Variants in HIBCH observed in about 807,000 individuals in gnomAD.
HIBCH encodes 3-hydroxyisobutyryl-CoA hydrolase.
In HIBCH, 50 loss-of-function variants were observed where a neutral mutation model predicts 58.2. That is an observed-to-expected ratio of 0.86 (90% CI 0.68 to 1.09). HIBCH has a LOEUF of 1.09. Ranked by LOEUF, HIBCH falls within the 50% of genes least tolerant of loss-of-function variation. The pLI, the probability that HIBCH is intolerant of heterozygous loss-of-function variation, is 0.00. For missense variants in HIBCH, 450 were observed against 449.7 expected (o/e 1.00, Z -0.01); for synonymous variants, 151 against 146.9 (o/e 1.03, Z -0.20).
At chr2:190,266,305 G>A (rs1169797263) in intron 6 of HIBCH, among the ~76,000 whole-genome samples, 1 of 152,184 alleles carries the variant, frequency 6.6e-6, no homozygotes, top group Non-Finnish European at 1.5e-5. Flanking sequence ...ATATGTGCAT[G>A]AAAATATACG....
chr2:190,224,282 G>A (rs919007388), intron 11 of HIBCH, among the ~76,000 whole-genome samples: 10 of 152,176 alleles, frequency 6.6e-5, no homozygotes, highest in Admixed American at 2.0e-4. Context: ...GGAGCCCACC[G>A]CAGATCAAGG....
At chr2:190,239,848 C>T (rs1245454357) in intron 11 of HIBCH, among the ~76,000 whole-genome samples, 1 of 152,084 alleles carries the variant, frequency 6.6e-6, no homozygotes, top group Non-Finnish European at 1.5e-5. Flanking sequence ...CAGGGTTTCA[C>T]CATGCTAGCC....
intron 6 of HIBCH, among the ~76,000 whole-genome samples, chr2:190,262,506 G>GT (rs1687117743): frequency 6.6e-6 from 1 of 152,280 alleles, no homozygotes; most frequent in East Asian, 1.9e-4. Context: ...TGGGCCCCCA[G>GT]TATATATTCA....
chr2:190,283,266 A>G (rs1272816851), intron 6 of HIBCH, among the ~76,000 whole-genome samples: 4 of 152,062 alleles, frequency 2.6e-5, no homozygotes, highest in African/African-American at 9.7e-5. Context: ...CTCCACCCTG[A>G]CTCATTCCAA....
chr2:190,220,984 G>A lies in HIBCH; in HGVS notation c.892-7909C>T, dbSNP rs566295592. On this transcript the variant is annotated intron_variant, in intron 11 of 13. Transcript: ENST00000359678. ...TGGTTTGGCACTTTCTATGTAACCT[G>A]GATTTCTCAAAACACAGAAATCTAC... 7.9e-5 allele frequency among the ~76,000 whole-genome samples: 12 copies of A among 152,192 alleles called. No individual in the cohort carries two copies. In the East Asian group the frequency reaches 2.3e-3, roughly 29 times the overall value.
chr2:190,206,165 G>A lies in HIBCH; in HGVS notation c.1046-933C>T. The stretch of plus-strand genomic sequence containing the variant: ...AAGAAGCAGTATGGGAACCAAGGAA[G>A]AAGACTGCCTTGGTAGGTGGAGGGA... On this transcript the variant is annotated intron_variant, in intron 13 of 13. Transcript: ENST00000359678. The surrounding 1 kb of genome is among the most constrained non-coding windows in gnomAD (Gnocchi z 5.1). Among the ~76,000 whole-genome samples the A allele has an allele frequency of 6.6e-6, 1 of 152,220 alleles. No homozygotes were observed. Among genetic ancestry groups the A allele is most frequent in the East Asian group, 1.9e-4 (1 of 5,202 alleles).
chr2:190,261,021 ATTTC>A (rs1687073223), intron 7 of HIBCH, 131 bp downstream of exon 7: 1 of 694,718 alleles, frequency 1.4e-6, no homozygotes, highest in African/African-American at 1.8e-5. Flanking sequence ...TTCCTATTTA[ATTTC>A]TTTTTTAAAA....
At chr2:190,261,259 G>A (rs201140905) in intron 6 of HIBCH, 25 bp from the exon 7 acceptor site, 3 of 1,516,262 alleles carry the variant, frequency 2.0e-6, no homozygotes, top group Admixed American at 3.3e-5. Flanking sequence ...CAAAAAAAGA[G>A]GCGGGGGGGA....
chr2:190,245,917 G>A (rs999729185), intron 10 of HIBCH, among the ~76,000 whole-genome samples: 1 of 151,464 alleles, frequency 6.6e-6, no homozygotes, highest in Non-Finnish European at 1.5e-5. Flanking sequence ...TTGAACCCAG[G>A]AGGCGGAGGC....
At chr2:190,222,598 G>T (rs1040149171) in intron 11 of HIBCH, among the ~76,000 whole-genome samples, 1 of 152,128 alleles carries the variant, frequency 6.6e-6, no homozygotes, top group African/African-American at 2.4e-5. Flanking sequence ...TCAGAATGGC[G>T]ATCATTAAAA....
intron 6 of HIBCH, among the ~76,000 whole-genome samples, chr2:190,275,712 T>A (rs1026836481): frequency 6.6e-6 from 1 of 152,216 alleles, no homozygotes; most frequent in Non-Finnish European, 1.5e-5. Flanking sequence ...AAAGAAGGCA[T>A]GAGACAATGT....
intron 1 of HIBCH, among the ~76,000 whole-genome samples, chr2:190,192,486 G>C (rs1320087369): frequency 1.6e-3 from 233 of 146,532 alleles, no homozygotes; most frequent in African/African-American, 5.8e-3. Flanking sequence ...GTGTGTGTGT[G>C]TGTGTATCTA....
At chr2:190,278,529 C>T (rs1687620777) in intron 6 of HIBCH, among the ~76,000 whole-genome samples, 1 of 152,128 alleles carries the variant, frequency 6.6e-6, no homozygotes, top group South Asian at 2.1e-4. Context: ...AACAAGCCCT[C>T]CAGGTTACTC....
chr2:190,277,460 A>G (rs1431793967), intron 6 of HIBCH, among the ~76,000 whole-genome samples: 2 of 152,196 alleles, frequency 1.3e-5, no homozygotes, highest in African/African-American at 2.4e-5. Context: ...ATTCTTTTAC[A>G]TTATTGTAAG....
intron 4 of HIBCH, among the ~76,000 whole-genome samples, 163 bp from the exon 5 acceptor site, chr2:190,290,648 C>A (rs950992363): frequency 6.6e-6 from 1 of 152,120 alleles, no homozygotes; most frequent in African/African-American, 2.4e-5. Flanking sequence ...ATATTATAGT[C>A]ACAGATCCAT....
At chr2:190,270,890 CAT>C (rs1384894283) in intron 6 of HIBCH, among the ~76,000 whole-genome samples, 1 of 151,996 alleles carries the variant, frequency 6.6e-6, no homozygotes, top group East Asian at 1.9e-4. Context: ...TGGACTAACA[CAT>C]AGAGATTAGC....
chr2:190,311,617 C>A (rs1053008580), intron 1 of HIBCH, among the ~76,000 whole-genome samples: 3 of 152,144 alleles, frequency 2.0e-5, no homozygotes, highest in Non-Finnish European at 4.4e-5. Flanking sequence ...CAAGCATTTG[C>A]ACTAGGGAAA....
In HIBCH at chr2:190,304,755, C is replaced by T. The variant is rs904436717; in HGVS notation, c.78+5999G>A. ...TGTAAAACCAGCAGTTTTATTTTAACCAACATTTGTTTTGATTTCCAAGTT... is the reference window on the plus strand; with the variant it reads ...TGTAAAACCAGCAGTTTTATTTTAATCAACATTTGTTTTGATTTCCAAGTT... On this transcript the variant is annotated intron_variant, in intron 2 of 13. Transcript: ENST00000359678. This position sits in a 1 kb window ranked among gnomAD's most constrained non-coding sequence, Gnocchi z 4.1. Among the ~76,000 whole-genome samples the T allele has an allele frequency of 5.9e-5, 9 of 152,104 alleles. No individual in the cohort carries two copies. Among genetic ancestry groups the T allele is most frequent in the African/African-American group, 1.9e-4 (8 of 41,414 alleles).
chr2:190,192,366 T>C (rs930914781), intron 1 of HIBCH, among the ~76,000 whole-genome samples: 1 of 152,010 alleles, frequency 6.6e-6, no homozygotes, highest in Non-Finnish European at 1.5e-5. Flanking sequence ...TTCTTAACAT[T>C]AGATAATAGG....
Sources: gnomAD v4.1 joint callset for allele counts (sites outside exome capture counted in the v4.1 genomes callset) on GRCh38, gnomAD v4.1.1 for gene constraint, Gnocchi (gnomAD v3.1) non-coding constraint, MANE v1.5 for transcripts, NCBI Gene and HGNC (gene_info 2026-07-23, HGNC 2026-07-21) for gene names.